Variants in SPATA9 observed in about 807,000 individuals in gnomAD.
The protein encoded by SPATA9 is spermatogenesis-associated protein 9.
A neutral mutation model predicts 25.5 loss-of-function variants in SPATA9; 27 were observed. The ratio of observed to expected loss-of-function variants is 1.06; its 90% confidence interval spans 0.78 to 1.46. The LOEUF (loss-of-function observed/expected upper bound fraction) is 1.46, where lower values mean the gene tolerates loss of function less well. SPATA9 is among the 40% of genes most tolerant of loss of function. The pLI, the probability that SPATA9 is intolerant of heterozygous loss-of-function variation, is 0.00. For synonymous variants in SPATA9, 102 were observed against 105.7 expected (o/e 0.97, Z 0.21); for missense variants, 282 against 297.5 (o/e 0.95, Z 0.38).
chr5:95,682,704 T>G, intron 1 of SPATA9, 88 bp from the exon 2 acceptor site: 1 of 1,504,620 alleles, frequency 6.6e-7, no homozygotes, highest in Admixed American at 2.0e-5. Context: ...ATCAAATTCC[T>G]AGATGACTCG....
upstream of SPATA9, among the ~76,000 whole-genome samples, chr5:95,699,941 C>T (rs1023710696): frequency 7.9e-5 from 12 of 152,282 alleles, no homozygotes; most frequent in African/African-American, 1.7e-4. Flanking sequence ...AATCTAGTAA[C>T]GAGTTGGAGT....
chr5:95,724,820 G>A, the SPATA9 span, among the ~76,000 whole-genome samples: 1 of 152,146 alleles, frequency 6.6e-6, no homozygotes, highest in Non-Finnish European at 1.5e-5. Flanking sequence ...GGGTGGCTGT[G>A]AGAATTAAAT....
the SPATA9 span, among the ~76,000 whole-genome samples, chr5:95,714,648 A>T: frequency 2.0e-5 from 3 of 151,936 alleles, no homozygotes; most frequent in Non-Finnish European, 4.4e-5. Flanking sequence ...AGAAAGAGAG[A>T]ATCATTTTTA....
chr5:95,702,215 AACACACACAC>A (rs33913076), upstream of SPATA9, among the ~76,000 whole-genome samples: 3 of 151,192 alleles, frequency 2.0e-5, no homozygotes, highest in African/African-American at 7.3e-5. Flanking sequence ...GCAAAACCAA[AACACACACAC>A]ACACACACAC....
the SPATA9 span, chr5:95,708,804 G>C: frequency 1.7e-6 from 1 of 592,714 alleles, no homozygotes; most frequent in Non-Finnish European, 3.0e-6. Flanking sequence ...TGGAAGTACC[G>C]GCCCTCCAAG....
the SPATA9 span, among the ~76,000 whole-genome samples, chr5:95,714,966 A>C: frequency 6.6e-6 from 1 of 152,206 alleles, no homozygotes; most frequent in African/African-American, 2.4e-5. Context: ...CATAGACTTA[A>C]TGCAATCCCA....
At chr5:95,692,403 C>T (rs1305420464) in intron 1 of SPATA9, among the ~76,000 whole-genome samples, 3 of 151,856 alleles carry the variant, frequency 2.0e-5, no homozygotes, top group Admixed American at 2.0e-4. Flanking sequence ...TATTTGGGGA[C>T]CGGTTTTGGT....
the SPATA9 span, among the ~76,000 whole-genome samples, chr5:95,709,647 GAACTT>G: frequency 6.6e-6 from 1 of 152,154 alleles, no homozygotes; most frequent in Non-Finnish European, 1.5e-5. Context: ...CATTAAATAA[GAACTT>G]AACTACCGTA....
upstream of SPATA9, among the ~76,000 whole-genome samples, chr5:95,699,344 T>C (rs1038629169): frequency 2.6e-5 from 4 of 152,176 alleles, no homozygotes; most frequent in Non-Finnish European, 5.9e-5. Context: ...AGATAATATA[T>C]GTACAGTAAG....
At chr5:95,657,364 A>G (rs1480955700), downstream of SPATA9, 3 of 151,894 alleles carry the variant, frequency 2.0e-5, no homozygotes, top group South Asian at 2.1e-4. Flanking sequence ...AGCACCCACC[A>G]TGCAAAAATC....
chr5:95,723,977 A>C, the SPATA9 span, among the ~76,000 whole-genome samples: 1 of 152,248 alleles, frequency 6.6e-6, no homozygotes, highest in African/African-American at 2.4e-5. Flanking sequence ...AATTTTTAAT[A>C]GATGAGATAA....
chr5:95,721,942 A>G, the SPATA9 span, among the ~76,000 whole-genome samples: 1 of 152,176 alleles, frequency 6.6e-6, no homozygotes, highest in Non-Finnish European at 1.5e-5. Context: ...AAAATCTCTA[A>G]GAAAATTTTG....
chr5:95,694,837 G>A (rs1248308019), intron 1 of SPATA9, among the ~76,000 whole-genome samples: 1 of 152,112 alleles, frequency 6.6e-6, no homozygotes, highest in Non-Finnish European at 1.5e-5. Context: ...CTTTCTACCA[G>A]GGAGGGCAGG....
chr5:95,696,847 C>A (rs1561421542), intron 1 of SPATA9, among the ~76,000 whole-genome samples: 3 of 152,164 alleles, frequency 2.0e-5, no homozygotes, highest in African/African-American at 4.8e-5. Flanking sequence ...CAGAGCAAGA[C>A]CCTGTCTCCA....
intron 2 of SPATA9, among the ~76,000 whole-genome samples, chr5:95,679,178 A>C (rs1486316008): frequency 2.6e-5 from 4 of 152,184 alleles, no homozygotes; most frequent in African/African-American, 9.7e-5. Flanking sequence ...AGTTTCTCTG[A>C]TTTCAGCAAT....
chr5:95,673,211 C>G (rs1752580545), intron 3 of SPATA9, among the ~76,000 whole-genome samples: 1 of 152,196 alleles, frequency 6.6e-6, no homozygotes, highest in Non-Finnish European at 1.5e-5. Flanking sequence ...AGGTTCCTCT[C>G]TCCTGTGATG....
chr5:95,700,838 T>C (rs908531377), upstream of SPATA9, among the ~76,000 whole-genome samples: 2 of 152,230 alleles, frequency 1.3e-5, no homozygotes, highest in African/African-American at 4.8e-5. Context: ...TACTAGTGTG[T>C]GGTATGAGTG....
downstream of SPATA9, among the ~76,000 whole-genome samples, chr5:95,653,907 A>G (rs1385089954): frequency 1.3e-5 from 2 of 152,176 alleles, no homozygotes; most frequent in African/African-American, 2.4e-5. Context: ...CAAAATAATA[A>G]TAATCTAGTA....
At chr5:95,685,957 C>A (rs1253395024), upstream of SPATA9, among the ~76,000 whole-genome samples, 14 of 152,170 alleles carry the variant, frequency 9.2e-5, no homozygotes, top group Non-Finnish European at 2.1e-4. Context: ...CTGCCTCAGC[C>A]TGCTGAGTAG....
Sources: gnomAD v4.1 joint callset for allele counts (sites outside exome capture counted in the v4.1 genomes callset) on GRCh38, gnomAD v4.1.1 for gene constraint, MANE v1.5 for transcripts, NCBI Gene and HGNC (gene_info 2026-07-23, HGNC 2026-07-21) for gene names.